Variants in COLEC12 observed in about 807,000 individuals in gnomAD.
COLEC12 encodes collectin-12.
A neutral mutation model predicts 71.1 loss-of-function variants in COLEC12; 33 were observed. The observed-to-expected ratio is 0.46, with a 90% CI of 0.35 to 0.62. COLEC12 has a LOEUF of 0.62. COLEC12 is among the 20% of genes least tolerant of loss of function. The pLI is 0.00. For missense variants in COLEC12, 765 were observed against 916.1 expected (o/e 0.84, Z 2.13); for synonymous variants, 350 against 353.0 (o/e 0.99, Z 0.10).
intron 8 of COLEC12, 37 bp downstream of exon 8, chr18:331,631 A>G: frequency 7.6e-7 from 1 of 1,318,678 alleles, no homozygotes; most frequent in Non-Finnish European, 1.1e-6. Context: ...GAACAGTGAG[A>G]GCCTGACCAC....
intron 2 of COLEC12, among the ~76,000 whole-genome samples, chr18:474,592 T>A (rs1385871111): frequency 6.6e-6 from 1 of 152,040 alleles, no homozygotes; most frequent in Non-Finnish European, 1.5e-5. Context: ...ATCTCCTCAG[T>A]TTATATAAAA....
intron 2 of COLEC12, among the ~76,000 whole-genome samples, chr18:477,261 C>T (rs1917323491): frequency 6.6e-6 from 1 of 152,208 alleles, no homozygotes; most frequent in Non-Finnish European, 1.5e-5. Context: ...ACAGCCTTGA[C>T]TTTATGTAGC....
intron 2 of COLEC12, among the ~76,000 whole-genome samples, chr18:358,240 C>T (rs1914670046): frequency 6.6e-6 from 1 of 152,146 alleles, no homozygotes; most frequent in African/African-American, 2.4e-5. Context: ...CCAGCGGTCC[C>T]CATCTTCTTC....
intron 1 of COLEC12, among the ~76,000 whole-genome samples, chr18:483,755 G>T (rs1182536926): frequency 1.3e-5 from 2 of 152,150 alleles, no homozygotes; most frequent in Non-Finnish European, 2.9e-5. Flanking sequence ...CGTGTTAATG[G>T]CTGCAGCCTC....
chr18:330,232 G>T (rs763160985), intron 8 of COLEC12, among the ~76,000 whole-genome samples: 2 of 152,144 alleles, frequency 1.3e-5, no homozygotes, highest in Non-Finnish European at 2.9e-5. Context: ...TAAAAAACTC[G>T]ATCTGGCTTC....
intron 2 of COLEC12, among the ~76,000 whole-genome samples, chr18:419,070 T>C (rs1004048105): frequency 2.0e-5 from 3 of 152,216 alleles, no homozygotes; most frequent in Non-Finnish European, 4.4e-5. Flanking sequence ...ATCCACAAAA[T>C]GAAAAGAGCT....
chr18:346,625 C>T lies in COLEC12; in HGVS notation c.997G>A (p.Glu333Lys), dbSNP rs1275199748. 1 of 1,614,074 alleles carries T rather than the reference C, an allele frequency of 6.2e-7. No individual in the cohort carries two copies. Among genetic ancestry groups the T allele is most frequent in the African/African-American group, 1.3e-5 (1 of 74,914 alleles). Residue 333 changes from glutamate (E) to lysine (K), a missense_variant, in exon 5 of 10, where the codon GAG becomes AAG. Physicochemically the swap from Glu to Lys is moderately conservative, Grantham distance 56 (BLOSUM62 1). Transcript: ENST00000400256. This position sits in a 1 kb window ranked among gnomAD's most constrained non-coding sequence, Gnocchi z 4.0. ...GTCTCAAAGAGCTGGAAGCGTTCCT[C>T]CAGTTGGTTGAACTTGATGGCTGTT... ...NRTAIKFNQL[E>K]ERFQLFETDI...
chr18:464,354 T>A (rs1417181191), intron 2 of COLEC12, among the ~76,000 whole-genome samples: 1 of 152,216 alleles, frequency 6.6e-6, no homozygotes, highest in Non-Finnish European at 1.5e-5. Flanking sequence ...TGGGTGTATG[T>A]ATATGTGCTT....
At chr18:417,696 A>G (rs1168473339) in intron 2 of COLEC12, among the ~76,000 whole-genome samples, 1 of 152,230 alleles carries the variant, frequency 6.6e-6, no homozygotes, top group Non-Finnish European at 1.5e-5. Flanking sequence ...TACACAGAAC[A>G]GAAATTTCAT....
chr18:476,925 C>T (rs879939078), intron 2 of COLEC12, among the ~76,000 whole-genome samples: 12 of 152,186 alleles, frequency 7.9e-5, no homozygotes, highest in Non-Finnish European at 1.8e-4. Context: ...TGAAAATGCT[C>T]ACTTAATTAA....
At chr18:405,064 C>G (rs1915759172) in intron 2 of COLEC12, among the ~76,000 whole-genome samples, 1 of 152,130 alleles carries the variant, frequency 6.6e-6, no homozygotes, top group Non-Finnish European at 1.5e-5. Context: ...GAGATGTGCC[C>G]TGGTCTCCTG....
rs746112930 is a variant in COLEC12 at position 346,857 on chromosome 18, C to T, written c.765G>A (p.Thr255=). ...TCTGCACTTTCTCCTTCAGCCAATC[C>T]GTGTCCTTCTTGGCTTGAAGAAAAA... The part of the protein sequence containing the change: ...QQVFLQAKKD[T]DWLKEKVQSL... Residue 255 remains threonine, a synonymous_variant, in exon 5 of 10, where the codon ACG becomes ACA. Transcript: ENST00000400256. The surrounding 1 kb of genome is among the most constrained non-coding windows in gnomAD (Gnocchi z 4.0). The T allele has an allele frequency of 1.4e-5, 22 of 1,614,068 alleles. No homozygotes were observed. Among genetic ancestry groups the T allele is most frequent in the South Asian group, 5.5e-5 (5 of 91,088 alleles).
intron 2 of COLEC12, among the ~76,000 whole-genome samples, chr18:367,760 C>T (rs943838390): frequency 1.1e-4 from 17 of 152,300 alleles, no homozygotes; most frequent in South Asian, 6.2e-4. Flanking sequence ...GACGGAATGA[C>T]GACCATCCCT....
intron 2 of COLEC12, among the ~76,000 whole-genome samples, chr18:415,242 C>T (rs145580645): frequency 1.0e-3 from 157 of 152,286 alleles, no homozygotes; most frequent in African/African-American, 3.6e-3. Context: ...AAGGCAACTA[C>T]CCCCTCACTA....
In COLEC12 at chr18:500,137, G is replaced by A. The variant is rs1368830949; in HGVS notation, c.7+371C>T. On this transcript the variant is annotated intron_variant, in intron 1 of 9. Coordinates refer to ENST00000400256, the MANE Select transcript of COLEC12 (RefSeq NM_130386.3). This position sits in a 1 kb window ranked among gnomAD's most constrained non-coding sequence, Gnocchi z 5.3. ...AGAGGACTGGGCGAGCGTGGGGAGC[G>A]CTGCGGCGTGGAAAAGCGACCGGGA... Among the ~76,000 whole-genome samples, 2 of 152,172 alleles carry A rather than the reference G, an allele frequency of 1.3e-5. No individual in the cohort carries two copies. The highest frequency in any genetic ancestry group is 2.9e-5 in the Non-Finnish European group (2 of 68,028).
chr18:326,473 G>A (rs548052988), intron 8 of COLEC12, among the ~76,000 whole-genome samples: 7 of 152,154 alleles, frequency 4.6e-5, no homozygotes, highest in Middle Eastern at 6.8e-3. Context: ...TCAGCCTCCC[G>A]AGTAGCTGGG....
chr18:445,581 C>T (rs1205683217), intron 2 of COLEC12, among the ~76,000 whole-genome samples: 1 of 151,500 alleles, frequency 6.6e-6, no homozygotes, highest in Non-Finnish European at 1.5e-5. Flanking sequence ...ATATTTTCAT[C>T]ACACCAAAAA....
chr18:395,707 C>T (rs543795573), intron 2 of COLEC12, among the ~76,000 whole-genome samples: 22 of 152,200 alleles, frequency 1.4e-4, no homozygotes, highest in African/African-American at 3.1e-4. Flanking sequence ...ATTCCTCTTA[C>T]GGAAAGAAAG....
chr18:485,179 T>A (rs1213071583), intron 1 of COLEC12, among the ~76,000 whole-genome samples: 2 of 152,240 alleles, frequency 1.3e-5, no homozygotes, highest in Non-Finnish European at 2.9e-5. Flanking sequence ...ATGTGTTGTA[T>A]CCCAGATTGT....
Sources: gnomAD v4.1 joint callset for allele counts (sites outside exome capture counted in the v4.1 genomes callset) on GRCh38, gnomAD v4.1.1 for gene constraint, Gnocchi (gnomAD v3.1) non-coding constraint, MANE v1.5 for transcripts, NCBI Gene and HGNC (gene_info 2026-07-23, HGNC 2026-07-21) for gene names.